Variants in CNTNAP3 observed in about 807,000 individuals in gnomAD.
CNTNAP3 encodes contactin-associated protein-like 3.
A neutral mutation model predicts 92.1 loss-of-function variants in CNTNAP3; 36 were observed. The ratio of observed to expected loss-of-function variants is 0.39; its 90% CI spans 0.30 to 0.52. CNTNAP3 has a LOEUF of 0.52. CNTNAP3 is among the 20% of genes least tolerant of loss of function. The pLI is 0.76. For missense variants in CNTNAP3, 534 were observed against 1,069.6 expected (o/e 0.50, Z 6.98); for synonymous variants, 232 against 422.3 (o/e 0.55, Z 5.53).
At chr9:39,140,473 C>A (rs1204242353) in intron 12 of CNTNAP3, 46 bp downstream of exon 12, 2 of 1,597,848 alleles carry the variant, frequency 1.3e-6, no homozygotes, top group East Asian at 4.5e-5. Context: ...AGGTAAATTT[C>A]TCCTTGGTCT....
intron 14 of CNTNAP3, among the ~76,000 whole-genome samples, chr9:39,110,354 C>T (rs1826715386): frequency 6.6e-6 from 1 of 152,078 alleles, no homozygotes; most frequent in Non-Finnish European, 1.5e-5. Context: ...CATGTGTGCG[C>T]CACTGCACTC....
At chr9:39,104,831 C>T (rs927400462) in intron 15 of CNTNAP3, among the ~76,000 whole-genome samples, 26 of 152,150 alleles carry the variant, frequency 1.7e-4, no homozygotes, top group African/African-American at 4.8e-4. Context: ...CAGTGTGTCG[C>T]AGCAGCAGGC....
intron 13 of CNTNAP3, among the ~76,000 whole-genome samples, chr9:39,120,391 TA>T (rs1396357503): frequency 6.6e-6 from 1 of 152,188 alleles, no homozygotes; most frequent in Non-Finnish European, 1.5e-5. Context: ...AAAACCTTTT[TA>T]GGCCGGGTGC....
At chr9:39,085,444 A>G (rs1253223715) in intron 21 of CNTNAP3, 1 of 418,862 alleles carries the variant, frequency 2.4e-6, no homozygotes, top group Non-Finnish European at 4.3e-6. Context: ...CAGCTTTGAC[A>G]ACATTTCACT....
At chr9:39,148,122 T>C (rs2118129684) in intron 10 of CNTNAP3, among the ~76,000 whole-genome samples, 1 of 151,990 alleles carries the variant, frequency 6.6e-6, no homozygotes, top group South Asian at 2.1e-4. Flanking sequence ...CCAACTACCC[T>C]TCCCACGACT....
intron 15 of CNTNAP3, 36 bp from the exon 16 acceptor site, chr9:39,103,950 A>T: frequency 2.6e-6 from 4 of 1,515,650 alleles, no homozygotes; most frequent in Non-Finnish European, 3.5e-6. Flanking sequence ...AAGGAAAAAA[A>T]GTCATGAAAC....
At chr9:39,092,000 C>T (rs1241633024) in intron 18 of CNTNAP3, among the ~76,000 whole-genome samples, 4 of 150,792 alleles carry the variant, frequency 2.7e-5, no homozygotes, top group South Asian at 2.1e-4. Context: ...CCTAGGAATT[C>T]GTCCATTTTA....
intron 15 of CNTNAP3, among the ~76,000 whole-genome samples, chr9:39,108,174 AGGTGGATGCTACACACACAGTGG>A (rs1265987442): frequency 6.6e-6 from 1 of 152,112 alleles, no homozygotes; most frequent in African/African-American, 2.4e-5. Context: ...CCATCAGCCC[AGGTGGATGCTACACACACAGTGG>A]GTAGGTCTGC....
intron 13 of CNTNAP3, among the ~76,000 whole-genome samples, chr9:39,124,885 T>C (rs1821120215): frequency 6.6e-6 from 1 of 151,946 alleles, no homozygotes; most frequent in South Asian, 2.1e-4. Flanking sequence ...TGTGGAGAAA[T>C]AGGAACACTT....
At position 39,278,655 on chromosome 9, in the gene CNTNAP3, T is replaced by C. The variant is rs1822978032; in HGVS notation, c.85+9325A>G. ...AGAAATAATGCCGCATATCTACAAC[T>C]ATCTGATCTTTGAGAAACCTGACAA... On this transcript the variant is annotated intron_variant, in intron 1 of 23. Coordinates refer to ENST00000297668, the MANE Select transcript of CNTNAP3 (RefSeq NM_033655.5). 6.5e-5 allele frequency among the ~76,000 whole-genome samples: 2 copies of C among 30,664 alleles called. 1 individual carries two copies. Among genetic ancestry groups the C allele is most frequent in the South Asian group, 1.9e-3 (2 of 1,064 alleles). The allele number at this position is 30,664 out of a possible 152,430, so 20.1% of individuals were successfully genotyped here.
At chr9:39,279,974 T>A (rs1268902864) in intron 1 of CNTNAP3, among the ~76,000 whole-genome samples, 1 of 52,822 alleles carries the variant, frequency 1.9e-5, no homozygotes, top group Non-Finnish European at 6.1e-5. Flanking sequence ...ATTAAAAAGT[T>A]CAGTGTTCGA....
intron 10 of CNTNAP3, among the ~76,000 whole-genome samples, chr9:39,146,047 T>A (rs1228533509): frequency 2.6e-5 from 4 of 151,840 alleles, no homozygotes; most frequent in Admixed American, 1.3e-4. Context: ...TAGTTCAAAA[T>A]ATTTGGAAAT....
chr9:39,099,420 T>C (rs1182459714), intron 18 of CNTNAP3, among the ~76,000 whole-genome samples: 1 of 152,186 alleles, frequency 6.6e-6, no homozygotes, highest in African/African-American at 2.4e-5. Context: ...GCTTGTTTTA[T>C]AAGAAAAGAC....
chr9:39,121,776 C>T (rs547838160), intron 13 of CNTNAP3, among the ~76,000 whole-genome samples: 1 of 152,020 alleles, frequency 6.6e-6, no homozygotes, highest in African/African-American at 2.4e-5. Context: ...AAAAAAAATG[C>T]TCTTATGTCT....
intron 17 of CNTNAP3, among the ~76,000 whole-genome samples, 184 bp downstream of exon 17, chr9:39,102,313 A>ACAAAC (rs878869043): frequency 6.6e-6 from 1 of 152,256 alleles, no homozygotes; most frequent in African/African-American, 2.4e-5. Flanking sequence ...AAACAAACAA[A>ACAAAC]AAAAGAAATG....
chr9:39,253,014 T>TACACACACAC (rs1178975952), intron 2 of CNTNAP3, among the ~76,000 whole-genome samples: 44 of 3,604 alleles, frequency 0.012, 12 homozygotes, highest in Admixed American at 0.023. Context: ...CAACTGAATA[T>TACACACACAC]ACACACACAC....
At chr9:39,077,479 C>G (rs62568853) in intron 23 of CNTNAP3, among the ~76,000 whole-genome samples, 1 of 147,354 alleles carries the variant, frequency 6.8e-6, no homozygotes, top group Non-Finnish European at 1.5e-5. Context: ...ATGGCGTGAA[C>G]CCGGGAGGCG....
intron 21 of CNTNAP3, among the ~76,000 whole-genome samples, chr9:39,084,217 G>C (rs1359941189): frequency 2.8e-5 from 1 of 35,708 alleles, no homozygotes; most frequent in Non-Finnish European, 5.6e-5. Context: ...TTTTTTTTTT[G>C]AGACAGAGTC....
At chr9:39,099,152 C>T (rs10974138) in intron 18 of CNTNAP3, among the ~76,000 whole-genome samples, 23,020 of 151,934 alleles carry the variant, frequency 0.15, 2,318 homozygotes, top group East Asian at 0.25. Flanking sequence ...GATGAGGTTT[C>T]ACCATGTTGG....
Sources: allele counts gnomAD v4.1 joint callset (sites outside exome capture counted in the v4.1 genomes callset), GRCh38; gene constraint gnomAD v4.1.1; transcripts MANE v1.5; gene names NCBI Gene and HGNC (gene_info 2026-07-23, HGNC 2026-07-21).